THSD7A: variants seen among roughly 807,000 people sequenced by gnomAD.
The protein encoded by THSD7A is thrombospondin type 1 domain containing 7A, also known as thrombospondin type-1 domain-containing protein 7A.
Under a neutral mutation model 231.3 loss-of-function variants are expected in THSD7A, and 96 were observed. The ratio of observed to expected loss-of-function variants is 0.41; its 90% CI spans 0.35 to 0.49. The LOEUF is 0.49. THSD7A is among the 20% of genes least tolerant of loss of function. The pLI is 0.05. For missense variants in THSD7A, 2,290 were observed against 2,070.2 expected, an observed-to-expected ratio of 1.11 and a Z score of -2.06; for synonymous variants, 940 against 743.3, an observed-to-expected ratio of 1.26 and a Z score of -4.30.
At chr7:11,380,123 T>C (rs1464234803) in intron 24 of THSD7A, among the ~76,000 whole-genome samples, 1 of 152,032 alleles carries the variant, frequency 6.6e-6, no homozygotes, top group Non-Finnish European at 1.5e-5. Flanking sequence ...TTGAAATAAC[T>C]CTTCAGCTCT....
intron 4 of THSD7A, among the ~76,000 whole-genome samples, chr7:11,554,170 C>A (rs7792687): frequency 0.17 from 25,759 of 151,910 alleles, 2,192 homozygotes; most frequent in Admixed American, 0.19. Flanking sequence ...CTACCAGAAT[C>A]TCAGAATATA....
At chr7:11,459,665 ATTTTT>A (rs34415355) in intron 11 of THSD7A, among the ~76,000 whole-genome samples, 52 of 39,914 alleles carry the variant, frequency 1.3e-3, no homozygotes, top group Non-Finnish European at 2.4e-3. Context: ...AAAACAGGGG[ATTTTT>A]TTTTTTTTTT....
At chr7:11,556,535 T>C (rs1175387670) in intron 4 of THSD7A, among the ~76,000 whole-genome samples, 1 of 151,938 alleles carries the variant, frequency 6.6e-6, no homozygotes, top group Non-Finnish European at 1.5e-5. Context: ...GAAAAGCCTA[T>C]TGTATTTAGC....
At chr7:11,538,638 C>T (rs983860347) in intron 6 of THSD7A, among the ~76,000 whole-genome samples, 9 of 152,026 alleles carry the variant, frequency 5.9e-5, no homozygotes, top group African/African-American at 1.7e-4. Context: ...ATTGTGTATC[C>T]GATGATCATG....
At chr7:11,418,819 G>A (rs572593901) in intron 16 of THSD7A, among the ~76,000 whole-genome samples, 3 of 151,704 alleles carry the variant, frequency 2.0e-5, no homozygotes, top group Non-Finnish European at 4.4e-5. Context: ...ATACCTACCT[G>A]TGCATTTTTT....
chr7:11,546,083 C>T (rs1194836951), intron 4 of THSD7A, among the ~76,000 whole-genome samples: 1 of 152,136 alleles, frequency 6.6e-6, no homozygotes, highest in Non-Finnish European at 1.5e-5. Flanking sequence ...TAGGTACCAC[C>T]ATTAGAGAGC....
chr7:11,798,584 T>G (rs752519567), intron 1 of THSD7A, among the ~76,000 whole-genome samples: 3 of 152,144 alleles, frequency 2.0e-5, no homozygotes, highest in Non-Finnish European at 4.4e-5. Flanking sequence ...GACACCTGTG[T>G]CACTATTATT....
intron 1 of THSD7A, among the ~76,000 whole-genome samples, chr7:11,736,181 C>A (rs939454990): frequency 6.6e-6 from 1 of 151,716 alleles, no homozygotes; most frequent in Non-Finnish European, 1.5e-5. Flanking sequence ...GAAAATAAAG[C>A]TTATTTGGCT....
chr7:11,615,838 T>G (rs1304452464), intron 2 of THSD7A, among the ~76,000 whole-genome samples: 1 of 152,202 alleles, frequency 6.6e-6, no homozygotes, highest in Non-Finnish European at 1.5e-5. Flanking sequence ...TATATGATTT[T>G]GCCTTCTTTA....
At chr7:11,728,913 A>G (rs1034403825) in intron 1 of THSD7A, among the ~76,000 whole-genome samples, 2 of 151,876 alleles carry the variant, frequency 1.3e-5, no homozygotes, top group Admixed American at 6.6e-5. Flanking sequence ...ATAAACCATC[A>G]CTTATCACTT....
rs986949293 is a variant in THSD7A at position 11,815,974 on chromosome 7, C to A, written c.190+15783G>T. On this transcript the variant is annotated intron_variant, in intron 1 of 27. Transcript: ENST00000423059. ...AACTGTTCCTTCTCTGCCTGGAATT[C>A]TGTCTCTCTATAGCCTTTCTCCATT... 2.0e-5 allele frequency among the ~76,000 whole-genome samples: 3 copies of A among 152,098 alleles called. No individual in the cohort carries two copies. In the South Asian group the frequency reaches 6.2e-4, roughly 31 times the overall value.
intron 1 of THSD7A, among the ~76,000 whole-genome samples, chr7:11,772,336 C>A (rs892791763): frequency 6.6e-6 from 1 of 152,134 alleles, no homozygotes; most frequent in African/African-American, 2.4e-5. Context: ...GAACTTAAAA[C>A]AGAACTACCA....
chr7:11,739,502 T>C (rs900468864), intron 1 of THSD7A, among the ~76,000 whole-genome samples: 11 of 152,038 alleles, frequency 7.2e-5, no homozygotes, highest in African/African-American at 1.9e-4. Flanking sequence ...AAATTAATTA[T>C]TGATAGCCAG....
At chr7:11,718,709 T>G (rs945674002) in intron 1 of THSD7A, among the ~76,000 whole-genome samples, 3 of 151,658 alleles carry the variant, frequency 2.0e-5, no homozygotes, top group African/African-American at 7.3e-5. Flanking sequence ...TAAGACATAA[T>G]TATAAAATCC....
intron 1 of THSD7A, among the ~76,000 whole-genome samples, chr7:11,663,888 A>C (rs1783025095): frequency 6.6e-6 from 1 of 151,582 alleles, no homozygotes; most frequent in Admixed American, 6.6e-5. Flanking sequence ...GCTAATGGTA[A>C]ATTTTTTGGC....
chr7:11,649,155 C>A (rs553303718), intron 1 of THSD7A, among the ~76,000 whole-genome samples: 3 of 151,938 alleles, frequency 2.0e-5, no homozygotes. Context: ...TGGGGGAAGC[C>A]ATCTATGATG....
intron 1 of THSD7A, among the ~76,000 whole-genome samples, chr7:11,801,531 G>A (rs1241436117): frequency 2.0e-5 from 3 of 152,250 alleles, no homozygotes; most frequent in Non-Finnish European, 2.9e-5. Flanking sequence ...GAGTTCAAAA[G>A]TTCCAGAACC....
intron 1 of THSD7A, among the ~76,000 whole-genome samples, chr7:11,664,498 AAG>A (rs1286114379): frequency 1.3e-5 from 2 of 152,018 alleles, no homozygotes; most frequent in African/African-American, 4.8e-5. Context: ...TTATTACTAA[AAG>A]AGAAAATTCT....
At chr7:11,820,426 G>T in intron 1 of THSD7A, 1 of 1,323,874 alleles carries the variant, frequency 7.6e-7, no homozygotes, top group Non-Finnish European at 1.0e-6. Context: ...GGCCCACTTG[G>T]GGCTGGTGCT....
Sources: allele counts gnomAD v4.1 joint callset (sites outside exome capture counted in the v4.1 genomes callset), GRCh38; gene constraint gnomAD v4.1.1; transcripts MANE v1.5; gene names NCBI Gene and HGNC (gene_info 2026-07-23, HGNC 2026-07-21).